HCN1: variants seen among roughly 807,000 people sequenced by gnomAD.
HCN1 encodes the protein potassium/sodium hyperpolarization-activated cyclic nucleotide-gated channel 1.
Under a neutral mutation model 78.9 loss-of-function variants are expected in HCN1, and 13 were observed. The ratio of observed to expected loss-of-function variants is 0.16; its 90% CI spans 0.11 to 0.26. HCN1 has a LOEUF of 0.26. Ranked by LOEUF, HCN1 falls within the 10% of genes least tolerant of loss-of-function variation. The pLI is 1.00. For missense variants in HCN1, 810 were observed against 1,154.3 expected (o/e 0.70, Z 4.32); for synonymous variants, 552 against 455.5 (o/e 1.21, Z -2.70).
intron 2 of HCN1, among the ~76,000 whole-genome samples, chr5:45,507,218 C>T (rs111675946): frequency 0.032 from 4,832 of 152,278 alleles, 106 homozygotes; most frequent in Middle Eastern, 0.058. Context: ...ATCCTGTGAA[C>T]GACTGCTCAG....
chr5:45,351,255 G>A (rs1181191444), intron 5 of HCN1, among the ~76,000 whole-genome samples: 1 of 151,242 alleles, frequency 6.6e-6, no homozygotes, highest in Non-Finnish European at 1.5e-5. Context: ...TGACAAACCT[G>A]AGAAAAACAA....
In HCN1 at chr5:45,261,000, C is replaced by G. The variant is rs1483161504; in HGVS notation, c.*921G>C. ...AATACAAGCAATTTGTAGATTCGAG[C>G]ATACAATTTTGCATAAAACATTGCA... On this transcript the variant is annotated 3_prime_UTR_variant, in exon 8 of 8. Transcript: ENST00000303230. 1 of 152,496 alleles carries G rather than the reference C, an allele frequency of 6.6e-6. No homozygotes were observed. The highest frequency in any genetic ancestry group is 1.5e-5 in the Non-Finnish European group (1 of 67,994). 9.4% of individuals were successfully genotyped at this position (152,496 alleles called of 1,614,324 possible). A position where few individuals can be genotyped will look rare whatever the true frequency, so the allele number is the denominator to read the frequency against.
chr5:45,340,629 A>G (rs572068970), intron 5 of HCN1, among the ~76,000 whole-genome samples: 45 of 152,182 alleles, frequency 3.0e-4, no homozygotes, highest in Non-Finnish European at 5.1e-4. Flanking sequence ...AGATTTAAAA[A>G]GCAAAATATG....
At chr5:45,526,492 A>G (rs939061759) in intron 2 of HCN1, among the ~76,000 whole-genome samples, 1 of 151,874 alleles carries the variant, frequency 6.6e-6, no homozygotes, top group African/African-American at 2.4e-5. Context: ...CCTTTCTCTT[A>G]TCTGTCCCAA....
At chr5:45,544,447 A>AT (rs545711390) in intron 2 of HCN1, among the ~76,000 whole-genome samples, 47 of 151,102 alleles carry the variant, frequency 3.1e-4, no homozygotes, top group African/African-American at 1.1e-3. Flanking sequence ...CATCTTCTGA[A>AT]TTTTTTTTTA....
At chr5:45,311,211 T>C (rs750641171) in intron 5 of HCN1, among the ~76,000 whole-genome samples, 20 of 152,190 alleles carry the variant, frequency 1.3e-4, no homozygotes, top group Non-Finnish European at 2.4e-4. Context: ...GTTAGAAATA[T>C]ATATTCATTT....
rs116666419 is a variant in HCN1 at position 45,335,712 on chromosome 5, C to G, written c.1377+17388G>C. ...TTGTAGTAACATTAAGAGTTAAATT[C>G]TACTGTGTACTTACTATGTGCCAGG... is the stretch of plus-strand genomic sequence containing the variant. On this transcript the variant is annotated intron_variant, in intron 5 of 7. Transcript: ENST00000303230. Among the ~76,000 whole-genome samples the G allele has an allele frequency of 2.1e-3, 316 of 152,178 alleles. 2 individuals are homozygous for G. Among genetic ancestry groups the G allele is most frequent in the African/African-American group, 7.3e-3 (303 of 41,550 alleles).
intron 1 of HCN1, among the ~76,000 whole-genome samples, chr5:45,664,451 G>A: frequency 7.3e-6 from 1 of 137,720 alleles, no homozygotes; most frequent in Non-Finnish European, 1.5e-5. Context: ...AAAACTTAAA[G>A]TATAATAATA....
rs1489720265 is a variant in HCN1, at chr5:45,504,082, G to A, written c.850-42075C>T. Among the ~76,000 whole-genome samples, 4 of 151,988 alleles carry A rather than the reference G, an allele frequency of 2.6e-5. No individual in the cohort carries two copies. In the South Asian group the frequency reaches 6.2e-4, roughly 24 times the overall value. ...TTGCAGGCATGAGCCACCATGCCAGGACCACATTTTATTATTATTCTTCTT... is the reference window on the plus strand; with the variant it reads ...TTGCAGGCATGAGCCACCATGCCAGAACCACATTTTATTATTATTCTTCTT... On this transcript the variant is annotated intron_variant, in intron 2 of 7. Transcript: ENST00000303230.
intron 1 of HCN1, among the ~76,000 whole-genome samples, chr5:45,646,367 C>CTTTTTT (rs201964510): frequency 1.5e-4 from 19 of 123,490 alleles, no homozygotes; most frequent in East Asian, 2.3e-4. Context: ...TTCTTTCTTT[C>CTTTTTT]TTTTTTTTTT....
At chr5:45,327,854 G>A (rs1039687996) in intron 5 of HCN1, among the ~76,000 whole-genome samples, 4 of 151,532 alleles carry the variant, frequency 2.6e-5, no homozygotes, top group Non-Finnish European at 5.9e-5. Context: ...AGAAGCCTCA[G>A]AAGAAACTAG....
chr5:45,659,122 GCCT>G (rs1303192656), intron 1 of HCN1, among the ~76,000 whole-genome samples: 2 of 151,930 alleles, frequency 1.3e-5, no homozygotes, highest in African/African-American at 4.8e-5. Flanking sequence ...CGGGCAGACT[GCCT>G]CCTCAAGTGG....
At chr5:45,685,751 G>C (rs1580050086) in intron 1 of HCN1, among the ~76,000 whole-genome samples, 1 of 152,096 alleles carries the variant, frequency 6.6e-6, no homozygotes, top group African/African-American at 2.4e-5. Context: ...ACTGCCTCAT[G>C]ACTAGACCAA....
At chr5:45,400,685 G>A (rs961313222) in intron 3 of HCN1, among the ~76,000 whole-genome samples, 1 of 152,018 alleles carries the variant, frequency 6.6e-6, no homozygotes, top group Non-Finnish European at 1.5e-5. Context: ...GGGATTACAG[G>A]CATGAGCCAC....
chr5:45,533,753 A>T (rs1742906747), intron 2 of HCN1, among the ~76,000 whole-genome samples: 1 of 152,208 alleles, frequency 6.6e-6, no homozygotes, highest in African/African-American at 2.4e-5. Flanking sequence ...CATAAAGAGC[A>T]GAGGCTGAGC....
At chr5:45,293,055 C>T (rs1561091707) in intron 6 of HCN1, among the ~76,000 whole-genome samples, 1 of 152,106 alleles carries the variant, frequency 6.6e-6, no homozygotes, top group East Asian at 1.9e-4. Context: ...GATGAAAACA[C>T]ATTTGAATGT....
At chr5:45,681,484 A>T (rs1739702210) in intron 1 of HCN1, among the ~76,000 whole-genome samples, 2 of 152,094 alleles carry the variant, frequency 1.3e-5, no homozygotes, top group South Asian at 4.1e-4. Flanking sequence ...CACAAGGGCT[A>T]ATTTAACACT....
At chr5:45,366,084 A>C (rs1432759807) in intron 4 of HCN1, among the ~76,000 whole-genome samples, 2 of 151,770 alleles carry the variant, frequency 1.3e-5, no homozygotes, top group Non-Finnish European at 2.9e-5. Flanking sequence ...TAGAGCAATA[A>C]TTTAGATAAG....
intron 1 of HCN1, among the ~76,000 whole-genome samples, chr5:45,671,256 T>G (rs1402360621): frequency 6.6e-6 from 1 of 151,548 alleles, no homozygotes; most frequent in Non-Finnish European, 1.5e-5. Flanking sequence ...AAGGTCCAGC[T>G]CAAATGTCAT....
Sources: allele counts gnomAD v4.1 joint callset (sites outside exome capture counted in the v4.1 genomes callset), GRCh38; gene constraint gnomAD v4.1.1; transcripts MANE v1.5; gene names NCBI Gene and HGNC (gene_info 2026-07-23, HGNC 2026-07-21).